ARHGAP39: variants seen among roughly 807,000 people sequenced by gnomAD.
ARHGAP39 encodes the protein rho GTPase-activating protein 39.
In ARHGAP39, 44 loss-of-function variants were observed where a neutral mutation model predicts 106.9. That is an observed-to-expected ratio of 0.41 (90% CI 0.32 to 0.53). ARHGAP39 has a LOEUF of 0.53. Among genes scored for constraint, ARHGAP39 ranks in the 20% least tolerant of loss-of-function variants. ARHGAP39 has a pLI of 0.21. For missense variants in ARHGAP39, 1,496 were observed against 1,577.3 expected (o/e 0.95, Z 0.87); for synonymous variants, 768 against 693.2 (o/e 1.11, Z -1.69).
At position 144,547,200 on chromosome 8, in the gene ARHGAP39, T is replaced by G; in HGVS notation, c.1886A>C (p.Gln629Pro). ...GGAGACGCTCTTCTCCAGCAGGATCTGGGGGAAGCCTAGCTTCTCGAAGGT... is the reference window on the plus strand; with the variant it reads ...GGAGACGCTCTTCTCCAGCAGGATCGGGGGGAAGCCTAGCTTCTCGAAGGT... ...RGTFEKLGFP[Q>P]ILLEKSVSVQ... The change falls in exon 5 of 12, where the codon CAG (glutamine) becomes CCG (proline). Residue 629 changes from glutamine (Q) to proline (P), a missense_variant. By Grantham distance (76) the Gln-to-Pro change is moderately conservative. Around this residue, in one of 4 missense-constraint regions of ARHGAP39, gnomAD observed 905 missense variants for 816.4 expected, o/e 1.11. Coordinates refer to ENST00000377307, the MANE Select transcript of ARHGAP39 (RefSeq NM_025251.3). The surrounding 1 kb of genome is among the most constrained non-coding windows in gnomAD (Gnocchi z 5.2). 6.2e-7 allele frequency: 1 copy of G among 1,612,482 alleles called. No homozygotes were observed. The highest frequency in any genetic ancestry group is 8.5e-7 in the Non-Finnish European group (1 of 1,179,736).
chr8:144,659,517 A>T (rs1370093829), intron 1 of ARHGAP39, among the ~76,000 whole-genome samples: 2 of 152,194 alleles, frequency 1.3e-5, no homozygotes, highest in Admixed American at 1.3e-4. Context: ...CCACTTTTCA[A>T]TCACACCAGC....
rs1313597421 is a variant in ARHGAP39, at chr8:144,555,594, C to T, written c.562G>A (p.Asp188Asn). 6.2e-7 allele frequency: 1 copy of T among 1,614,096 alleles called. No individual in the cohort carries two copies. Among genetic ancestry groups the T allele is most frequent in the Admixed American group, 1.7e-5 (1 of 60,036 alleles). The change falls in exon 4 of 12, where the codon GAT becomes AAT. Residue 188 changes from aspartate (D) to asparagine (N), a missense_variant. Around this residue, in one of 4 missense-constraint regions of ARHGAP39, gnomAD observed 905 missense variants for 816.4 expected, o/e 1.11. Transcript: ENST00000377307. ...AGAAGCTGGCCGTCCGCACTGTAAT[C>T]CCGGTAAATCTCATAGTCCTTCTCA... ...FLEKDYEIYR[D>N]YSADGQLLHY...
At chr8:144,611,891 C>T (rs1235787964) in intron 1 of ARHGAP39, among the ~76,000 whole-genome samples, 1 of 152,108 alleles carries the variant, frequency 6.6e-6, no homozygotes. Flanking sequence ...CACTTGTATT[C>T]CCAGCTACTC....
intron 2 of ARHGAP39, 23 bp from the exon 3 acceptor site, chr8:144,581,300 C>T (rs757864968): frequency 5.9e-6 from 9 of 1,516,742 alleles, no homozygotes; most frequent in Non-Finnish European, 6.2e-6. Context: ...AGGGTTAAGG[C>T]GGCTGGAGCC....
intron 1 of ARHGAP39, among the ~76,000 whole-genome samples, chr8:144,650,453 A>T (rs1049301251): frequency 2.0e-5 from 3 of 152,060 alleles, no homozygotes; most frequent in Non-Finnish European, 4.4e-5. Context: ...AACAACAAAA[A>T]ATATATATAT....
chr8:144,530,945 C>G (rs1816678033), intron 10 of ARHGAP39, 74 bp from the exon 11 acceptor site: 3 of 1,520,666 alleles, frequency 2.0e-6, no homozygotes, highest in Non-Finnish European at 1.8e-6. Flanking sequence ...CCGTGGCGGA[C>G]ATGCATGGAG....
chr8:144,598,024 G>A (rs1456938592), intron 2 of ARHGAP39, among the ~76,000 whole-genome samples: 1 of 152,234 alleles, frequency 6.6e-6, no homozygotes, highest in African/African-American at 2.4e-5. Flanking sequence ...AACCCACCAG[G>A]TAGGAAGCCA....
chr8:144,605,719 T>C, intron 1 of ARHGAP39, 24 bp from the exon 2 acceptor site: 1 of 1,124,766 alleles, frequency 8.9e-7, no homozygotes, highest in South Asian at 1.3e-5. Context: ...GAAGCAACAG[T>C]GCTGATATGG....
rs908725793 is a variant in ARHGAP39, at chr8:144,591,248, T to A, written c.81-9971A>T. Among the ~76,000 whole-genome samples the A allele has an allele frequency of 6.6e-6, 1 of 152,130 alleles. No individual in the cohort carries two copies. Among genetic ancestry groups the A allele is most frequent in the Non-Finnish European group, 1.5e-5 (1 of 68,016 alleles). ...AATGGACAGCTGCTCTGTGCTCCCG[T>A]GAGCACAGACCTGCAGGGGAGGGTG... On this transcript the variant is annotated intron_variant, in intron 2 of 11. Coordinates refer to ENST00000377307, the MANE Select transcript of ARHGAP39 (RefSeq NM_025251.3). The surrounding 1 kb of genome is among the most constrained non-coding windows in gnomAD (Gnocchi z 5.3).
At chr8:144,534,459 G>A (rs903311824) in intron 7 of ARHGAP39, among the ~76,000 whole-genome samples, 2 of 152,294 alleles carry the variant, frequency 1.3e-5, no homozygotes, top group African/African-American at 4.8e-5. Flanking sequence ...GCCCTCCTAC[G>A]GCCACGCAGG....
intron 4 of ARHGAP39, among the ~76,000 whole-genome samples, chr8:144,554,422 A>C (rs112396175): frequency 0.11 from 17,468 of 152,248 alleles, 2,530 homozygotes; most frequent in African/African-American, 0.33. Flanking sequence ...CTCAGGGATA[A>C]TGCCAGTGAG....
At chr8:144,589,333 C>T (rs990267296) in intron 2 of ARHGAP39, among the ~76,000 whole-genome samples, 3 of 152,210 alleles carry the variant, frequency 2.0e-5, no homozygotes, top group Non-Finnish European at 4.4e-5. Context: ...AGCAGCTGCT[C>T]CTCCATGCAG....
At chr8:144,653,754 G>T (rs943093368) in intron 1 of ARHGAP39, among the ~76,000 whole-genome samples, 6 of 152,064 alleles carry the variant, frequency 3.9e-5, no homozygotes, top group Non-Finnish European at 8.8e-5. Flanking sequence ...ATAACTATCA[G>T]GTCATGACAG....
intron 6 of ARHGAP39, among the ~76,000 whole-genome samples, chr8:144,541,058 G>A (rs1286009280): frequency 6.6e-6 from 1 of 152,168 alleles, no homozygotes; most frequent in African/African-American, 2.4e-5. Flanking sequence ...CACCATGTTG[G>A]CCAGGCTGGT....
chr8:144,675,113 A>G (rs1822199548), intron 1 of ARHGAP39, among the ~76,000 whole-genome samples: 1 of 152,154 alleles, frequency 6.6e-6, no homozygotes, highest in Non-Finnish European at 1.5e-5. Flanking sequence ...CCCAGTTCCC[A>G]CCAGCTCCAT....
At chr8:144,601,727 G>C (rs1563699662) in intron 2 of ARHGAP39, among the ~76,000 whole-genome samples, 5 of 142,250 alleles carry the variant, frequency 3.5e-5, no homozygotes, top group South Asian at 2.3e-4. Context: ...TCATGTACCT[G>C]TGTGTGTGCG....
At chr8:144,597,780 C>G (rs1819677616) in intron 2 of ARHGAP39, among the ~76,000 whole-genome samples, 1 of 152,148 alleles carries the variant, frequency 6.6e-6, no homozygotes, top group Non-Finnish European at 1.5e-5. Context: ...GGCAGGTGGA[C>G]AGAGAACGCT....
intron 1 of ARHGAP39, among the ~76,000 whole-genome samples, chr8:144,674,223 T>A (rs936192253): frequency 1.3e-5 from 2 of 152,160 alleles, no homozygotes; most frequent in Admixed American, 6.5e-5. Flanking sequence ...TCCTGTCACA[T>A]GTCCAGGTAG....
intron 1 of ARHGAP39, among the ~76,000 whole-genome samples, chr8:144,662,734 T>A (rs1821863906): frequency 7.0e-6 from 1 of 143,672 alleles, no homozygotes; most frequent in African/African-American, 2.6e-5. Flanking sequence ...CTCCCCATTA[T>A]CCACCTTGGC....
Sources: allele counts gnomAD v4.1 joint callset (sites outside exome capture counted in the v4.1 genomes callset), GRCh38; gene constraint gnomAD v4.1.1; regional missense constraint gnomAD v4.1.1; non-coding constraint Gnocchi (gnomAD v3.1); transcripts MANE v1.5; gene names NCBI Gene and HGNC (gene_info 2026-07-23, HGNC 2026-07-21).